Variants in PDE8B observed in about 807,000 individuals in gnomAD.
PDE8B encodes phosphodiesterase 8B.
Under a neutral mutation model 101.3 loss-of-function variants are expected in PDE8B, and 26 were observed. The observed-to-expected ratio is 0.26, with a 90% CI of 0.19 to 0.36. The LOEUF (loss-of-function observed/expected upper bound fraction) is 0.36. Among genes scored for constraint, PDE8B ranks in the 10% least tolerant of loss-of-function variants. The pLI, the probability that PDE8B is intolerant of heterozygous loss-of-function variation, is 1.00. For missense variants in PDE8B, 810 were observed against 1,163.1 expected (o/e 0.70, Z 4.42); for synonymous variants, 424 against 429.3 (o/e 0.99, Z 0.15).
intron 1 of PDE8B, among the ~76,000 whole-genome samples, chr5:77,278,489 A>G (rs968197549): frequency 2.0e-5 from 3 of 152,026 alleles, no homozygotes; most frequent in African/African-American, 7.2e-5. Flanking sequence ...CTTTTTTTTG[A>G]GACGGAGTCT....
chr5:77,327,870 T>TC (rs927861158), intron 3 of PDE8B, among the ~76,000 whole-genome samples: 3 of 152,022 alleles, frequency 2.0e-5, no homozygotes, highest in Non-Finnish European at 4.4e-5. Context: ...CCGGGAGCCT[T>TC]CCCCCCACAC....
At chr5:77,190,067 C>T in the PDE8B span, among the ~76,000 whole-genome samples, 1 of 152,148 alleles carries the variant, frequency 6.6e-6, no homozygotes, top group Non-Finnish European at 1.5e-5. Context: ...GAGTTGTTAC[C>T]ATCAGCCCAT....
At chr5:77,290,966 G>A (rs572184086) in intron 1 of PDE8B, 3 of 1,611,816 alleles carry the variant, frequency 1.9e-6, no homozygotes, top group African/African-American at 1.3e-5. Flanking sequence ...GCACAGCAAT[G>A]GCCAAAGATG....
At chr5:77,152,422 C>T in the PDE8B span, among the ~76,000 whole-genome samples, 31 of 152,324 alleles carry the variant, frequency 2.0e-4, no homozygotes, top group East Asian at 2.3e-3. Flanking sequence ...TCTTAGATTA[C>T]GCTGTGCACA....
intron 10 of PDE8B, among the ~76,000 whole-genome samples, chr5:77,368,397 A>G (rs1478179349): frequency 1.3e-5 from 2 of 152,184 alleles, no homozygotes; most frequent in East Asian, 1.9e-4. Flanking sequence ...CCTGCACTGT[A>G]GAAGGCTCAG....
At chr5:77,254,459 G>T (rs1758699800) in intron 1 of PDE8B, among the ~76,000 whole-genome samples, 1 of 151,958 alleles carries the variant, frequency 6.6e-6, no homozygotes, top group Non-Finnish European at 1.5e-5. Flanking sequence ...ATCTCTAATG[G>T]GTTTATTAGC....
chr5:77,396,012 G>A (rs772325531), intron 10 of PDE8B, among the ~76,000 whole-genome samples: 1 of 152,248 alleles, frequency 6.6e-6, no homozygotes, highest in Non-Finnish European at 1.5e-5. Flanking sequence ...ATAGCCATCT[G>A]TGATTGTTCA....
chr5:77,236,082 T>C (rs1754623808), intron 1 of PDE8B, among the ~76,000 whole-genome samples: 1 of 152,188 alleles, frequency 6.6e-6, no homozygotes, highest in Non-Finnish European at 1.5e-5. Flanking sequence ...TCTGGAAAGA[T>C]AACTTTTGAG....
At chr5:77,147,403 A>G in the PDE8B span, 1,270 of 153,642 alleles carry the variant, frequency 8.3e-3, 10 homozygotes, top group South Asian at 0.021. Flanking sequence ...TAAACTGGCA[A>G]GGAAATTTAA....
At position 77,421,756 on chromosome 5, in the gene PDE8B, G is replaced by A. The variant is rs751580100; in HGVS notation, c.2251-65G>A. The A allele has an allele frequency of 1.3e-4, 189 of 1,509,732 alleles. 2 individuals are homozygous for A. The South Asian group carries it at 1.6e-3, about 13-fold the overall frequency. The allele number at this position is 1,509,732 out of a possible 1,614,324, so 93.5% of individuals were successfully genotyped here. On this transcript the variant is annotated intron_variant, in intron 19 of 21. Coordinates refer to ENST00000264917, the MANE Select transcript of PDE8B (RefSeq NM_003719.5). ...CGGTGATCACCATCGAATGCCTGGC[G>A]AATTAACCCTTGTGGGCTTCACCGT...
At chr5:77,309,487 G>A (rs1015200381) in intron 1 of PDE8B, among the ~76,000 whole-genome samples, 24 of 152,140 alleles carry the variant, frequency 1.6e-4, no homozygotes, top group Non-Finnish European at 3.2e-4. Flanking sequence ...GCCTAATTTT[G>A]CTGGAGAAAT....
intron 10 of PDE8B, among the ~76,000 whole-genome samples, chr5:77,375,775 A>G (rs1195027310): frequency 6.6e-6 from 1 of 152,006 alleles, no homozygotes; most frequent in Non-Finnish European, 1.5e-5. Context: ...AAAACTGCTC[A>G]TGTCACATGA....
At chr5:77,343,940 C>T (rs1779690973) in intron 6 of PDE8B, among the ~76,000 whole-genome samples, 1 of 147,982 alleles carries the variant, frequency 6.8e-6, no homozygotes, top group Admixed American at 6.8e-5. Context: ...TTGGCTGGTG[C>T]CTACACAGAG....
intron 1 of PDE8B, chr5:77,290,238 C>CT (rs1766976709): frequency 6.5e-7 from 1 of 1,548,120 alleles, no homozygotes; most frequent in East Asian, 2.4e-5. Context: ...CAGCAAGCTC[C>CT]TTGGACCTTG....
chr5:77,099,402 A>G, the PDE8B span, among the ~76,000 whole-genome samples: 2 of 152,208 alleles, frequency 1.3e-5, no homozygotes, highest in Non-Finnish European at 1.5e-5. Flanking sequence ...AGCCTGTTCA[A>G]TATGTAGCAG....
At chr5:77,332,693 T>C (rs1777366333) in intron 5 of PDE8B, among the ~76,000 whole-genome samples, 1 of 152,014 alleles carries the variant, frequency 6.6e-6, no homozygotes, top group African/African-American at 2.4e-5. Context: ...CAAAATTAGC[T>C]GGGCGTGGTG....
At chr5:77,302,847 A>G (rs1191865487) in intron 1 of PDE8B, among the ~76,000 whole-genome samples, 1 of 152,084 alleles carries the variant, frequency 6.6e-6, no homozygotes, top group Non-Finnish European at 1.5e-5. Context: ...GATTGCTGTG[A>G]CCTTTACGTG....
chr5:77,268,743 C>T (rs754663644), intron 1 of PDE8B, among the ~76,000 whole-genome samples: 9 of 151,462 alleles, frequency 5.9e-5, no homozygotes, highest in African/African-American at 1.2e-4. Context: ...CAGTAGTATT[C>T]CTAACTATCC....
chr5:77,350,986 C>T, intron 8 of PDE8B, 79 bp from the exon 9 acceptor site: 6 of 996,430 alleles, frequency 6.0e-6, no homozygotes, highest in South Asian at 5.2e-5. Flanking sequence ...AATGTTCCTT[C>T]TCAGCCTTCT....
Sources: allele counts gnomAD v4.1 joint callset (sites outside exome capture counted in the v4.1 genomes callset), GRCh38; gene constraint gnomAD v4.1.1; transcripts MANE v1.5; gene names NCBI Gene and HGNC (gene_info 2026-07-23, HGNC 2026-07-21).